RHPN2: variants seen among roughly 807,000 people sequenced by gnomAD.
The protein encoded by RHPN2 is rhophilin-2.
A neutral mutation model predicts 79.0 loss-of-function variants in RHPN2; 40 were observed. That is an observed-to-expected ratio of 0.51 (90% CI 0.39 to 0.66). RHPN2 has a LOEUF of 0.66. Among genes scored for constraint, RHPN2 ranks in the 30% least tolerant of loss-of-function variants. The probability of loss-of-function intolerance (pLI) is 0.00; values close to 1 mark genes in which losing one functional copy is unlikely to be tolerated. For synonymous variants in RHPN2, 285 were observed against 363.5 expected (o/e 0.78, Z 2.46); for missense variants, 686 against 883.5 (o/e 0.78, Z 2.83).
intron 3 of RHPN2, among the ~76,000 whole-genome samples, chr19:33,025,981 G>GTTTTTTTTTTTTTTTTTT (rs71340523): frequency 7.7e-6 from 1 of 129,108 alleles, no homozygotes; most frequent in Non-Finnish European, 1.6e-5. Flanking sequence ...GTGTTCATTT[G>GTTTTTTTTTTTTTTTTTT]TTTTTTTTTT....
At chr19:33,048,177 T>G (rs1057332757) in intron 1 of RHPN2, among the ~76,000 whole-genome samples, 1 of 151,800 alleles carries the variant, frequency 6.6e-6, no homozygotes, top group African/African-American at 2.4e-5. Context: ...TGCCTCAGCC[T>G]GCTGAGTAGC....
At chr19:33,048,697 G>C (rs1972161772) in intron 1 of RHPN2, among the ~76,000 whole-genome samples, 1 of 126,528 alleles carries the variant, frequency 7.9e-6, no homozygotes, top group Admixed American at 9.1e-5. Context: ...CTGCACTCCA[G>C]CCTGGGTGAC....
At chr19:33,038,356 C>T (rs78502724) in intron 2 of RHPN2, among the ~76,000 whole-genome samples, 21,300 of 151,416 alleles carry the variant, frequency 0.14, 1,898 homozygotes, top group East Asian at 0.31. Flanking sequence ...GAGGCTGAGG[C>T]GGGAGGACAG....
intron 1 of RHPN2, among the ~76,000 whole-genome samples, chr19:33,055,915 G>A (rs1972228684): frequency 6.6e-6 from 1 of 151,788 alleles, no homozygotes; most frequent in Non-Finnish European, 1.5e-5. Context: ...AAAAACAATG[G>A]AGCTAAATTC....
chr19:33,052,905 G>C (rs926578976), intron 1 of RHPN2, among the ~76,000 whole-genome samples: 14 of 152,038 alleles, frequency 9.2e-5, no homozygotes, highest in African/African-American at 3.4e-4. Context: ...GCTCCCTTCA[G>C]TCTCTTCCAG....
intron 7 of RHPN2, among the ~76,000 whole-genome samples, chr19:33,005,194 A>C (rs545184523): frequency 1.3e-5 from 2 of 151,650 alleles, no homozygotes; most frequent in African/African-American, 4.8e-5. Flanking sequence ...TGGGCGGATC[A>C]CCTGAGGTCA....
At chr19:32,997,785 C>T (rs1971714533) in intron 10 of RHPN2, among the ~76,000 whole-genome samples, 2 of 152,206 alleles carry the variant, frequency 1.3e-5, no homozygotes, top group Non-Finnish European at 2.9e-5. Flanking sequence ...GCCACCACAC[C>T]CGGCCAAGGA....
At chr19:33,055,177 C>A (rs1972221788) in intron 1 of RHPN2, among the ~76,000 whole-genome samples, 1 of 151,950 alleles carries the variant, frequency 6.6e-6, no homozygotes, top group Non-Finnish European at 1.5e-5. Context: ...CAGTAAGACC[C>A]CATCTCTACA....
At chr19:33,019,041 AAAAAAAG>A (rs968543391) in intron 4 of RHPN2, among the ~76,000 whole-genome samples, 8 of 140,948 alleles carry the variant, frequency 5.7e-5, no homozygotes, top group Non-Finnish European at 1.0e-4. Flanking sequence ...CAAAAAAAAA[AAAAAAAG>A]AAAGAAAGAA....
intron 6 of RHPN2, among the ~76,000 whole-genome samples, chr19:33,010,691 T>G (rs1365184040): frequency 1.3e-5 from 2 of 150,194 alleles, no homozygotes; most frequent in East Asian, 4.0e-4. Context: ...CCTTTTTTTT[T>G]CTTGTTTGAA....
At chr19:33,029,527 G>GA (rs374028038) in intron 2 of RHPN2, among the ~76,000 whole-genome samples, 27,916 of 81,454 alleles carry the variant, frequency 0.34, 3,253 homozygotes, top group East Asian at 0.57. Context: ...CTCTATCTCA[G>GA]AAAAAAAAAA....
intron 7 of RHPN2, 102 bp downstream of exon 7, chr19:33,007,912 G>A (rs2304104): frequency 1.1e-6 from 1 of 876,810 alleles, no homozygotes; most frequent in Non-Finnish European, 1.6e-6. Flanking sequence ...GACTGGTCTG[G>A]CCCTTGCGAG....
chr19:33,002,139 C>A (rs556100265), intron 9 of RHPN2, 108 bp downstream of exon 9: 3 of 1,361,486 alleles, frequency 2.2e-6, no homozygotes, highest in African/African-American at 1.4e-5. Flanking sequence ...CTGCCTTCAG[C>A]CTGTGAGCAT....
At chr19:33,058,533 G>A (rs1420133931) in intron 1 of RHPN2, among the ~76,000 whole-genome samples, 2 of 152,214 alleles carry the variant, frequency 1.3e-5, no homozygotes, top group African/African-American at 4.8e-5. Flanking sequence ...TGTAATCCCA[G>A]CACTTTGGGA....
At chr19:33,014,399 G>A (rs1000944986) in intron 4 of RHPN2, among the ~76,000 whole-genome samples, 2 of 151,978 alleles carry the variant, frequency 1.3e-5, no homozygotes, top group South Asian at 2.1e-4. Context: ...TTGAACTCCC[G>A]GGCTCAAGTC....
intron 10 of RHPN2, among the ~76,000 whole-genome samples, chr19:32,999,284 T>C (rs1971729553): frequency 6.6e-6 from 1 of 151,968 alleles, no homozygotes; most frequent in Admixed American, 6.6e-5. Context: ...CATAAGGAAA[T>C]CAACAAACGT....
intron 11 of RHPN2, among the ~76,000 whole-genome samples, 181 bp downstream of exon 11, chr19:32,995,845 C>G (rs961122804): frequency 2.6e-5 from 4 of 152,128 alleles, no homozygotes; most frequent in Admixed American, 6.6e-5. Context: ...GGCAACAGAG[C>G]GAGACTCCAT....
Position 33,002,230 on chromosome 19 carries a change from A to T in RHPN2, c.1105+17T>A. On this transcript the variant is annotated intron_variant, in intron 9 of 14. Coordinates refer to ENST00000254260, the MANE Select transcript of RHPN2 (RefSeq NM_033103.5). ...GACCACAGCCCTCGCCAAACTCCCG[A>T]ACCCCCCAGGCCTTACCCTGGTGGT... 1 of 1,611,742 alleles carries T rather than the reference A, an allele frequency of 6.2e-7. No homozygotes were observed. The highest frequency in any genetic ancestry group is 8.5e-7 in the Non-Finnish European group (1 of 1,179,500).
chr19:33,043,036 G>A (rs1201163550), intron 2 of RHPN2, among the ~76,000 whole-genome samples: 2 of 150,860 alleles, frequency 1.3e-5, no homozygotes, highest in African/African-American at 2.4e-5. Flanking sequence ...CCAAGATCAC[G>A]CCACTGCACT....
Sources: gnomAD v4.1 joint callset for allele counts (sites outside exome capture counted in the v4.1 genomes callset) on GRCh38, gnomAD v4.1.1 for gene constraint, MANE v1.5 for transcripts, NCBI Gene and HGNC (gene_info 2026-07-23, HGNC 2026-07-21) for gene names.